GPHN: variants seen among roughly 807,000 people sequenced by gnomAD.
The protein encoded by GPHN is gephyrin.
Under a neutral mutation model 95.5 loss-of-function variants are expected in GPHN, and 17 were observed. That is an observed-to-expected ratio of 0.18 (90% CI 0.12 to 0.27). The LOEUF is 0.27. Among genes scored for constraint, GPHN ranks in the 10% least tolerant of loss-of-function variants. GPHN has a pLI of 1.00. For synonymous variants in GPHN, 320 were observed against 322.5 expected, an observed-to-expected ratio of 0.99 and a Z score of 0.08; for missense variants, 660 against 978.1, an observed-to-expected ratio of 0.67 and a Z score of 4.34.
In GPHN at chr14:66,570,552, T is replaced by C. The variant is rs150548917; in HGVS notation, c.64+61961T>C. 3.7e-3 allele frequency among the ~76,000 whole-genome samples: 555 copies of C among 151,212 alleles called. 12 individuals carry two copies. Among genetic ancestry groups the C allele is most frequent in the African/African-American group, 0.013 (529 of 40,822 alleles). On this transcript the variant is annotated intron_variant, in intron 1 of 22. Transcript: ENST00000478722. The stretch of plus-strand genomic sequence containing the variant: ...AACTCCTGATCTCAGGCGATCCACC[T>C]GCCTCGGCCTCCCAAAGTGCCGAGA...
the GPHN span, chr14:67,340,505 C>T: frequency 6.2e-7 from 1 of 1,603,624 alleles, no homozygotes; most frequent in African/African-American, 1.5e-5. Context: ...TACGTTCAAT[C>T]CGGGGAATGA....
At chr14:66,757,367 T>C (rs2058597891) in intron 2 of GPHN, among the ~76,000 whole-genome samples, 1 of 124,668 alleles carries the variant, frequency 8.0e-6, no homozygotes, top group African/African-American at 3.9e-5. Flanking sequence ...CACACAAATA[T>C]AAATGGGAGA....
At chr14:67,446,844 G>A in the GPHN span, among the ~76,000 whole-genome samples, 1 of 152,172 alleles carries the variant, frequency 6.6e-6, no homozygotes, top group Non-Finnish European at 1.5e-5. Flanking sequence ...ACTACCAGCT[G>A]CAGCCTGCTG....
intron 4 of GPHN, among the ~76,000 whole-genome samples, chr14:66,858,346 C>A (rs2062882978): frequency 6.6e-6 from 1 of 151,872 alleles, no homozygotes; most frequent in South Asian, 2.1e-4. Flanking sequence ...TAGGATAGGA[C>A]ACCAGGCAGA....
At chr14:67,376,420 C>T in the GPHN span, 1 of 1,565,838 alleles carries the variant, frequency 6.4e-7, no homozygotes, top group Non-Finnish European at 8.7e-7. Context: ...AATTGTTGAG[C>T]TTTTCATTTT....
rs571768557 is a variant in GPHN at position 67,033,290 on chromosome 14, G to C, written c.1006+9615G>C. 1.0e-3 allele frequency among the ~76,000 whole-genome samples: 157 copies of C among 152,268 alleles called. 1 individual carries two copies. Among genetic ancestry groups the C allele is most frequent in the African/African-American group, 3.7e-3 (153 of 41,564 alleles). On this transcript the variant is annotated intron_variant, in intron 10 of 22. Coordinates refer to ENST00000478722, the MANE Select transcript of GPHN (RefSeq NM_020806.5). ...GCAAAGAAAGCCAAAGAGGCCAGGA[G>C]TGGTGGTTCACACCTGTAATCCCAA...
At chr14:67,554,843 A>C in the GPHN span, among the ~76,000 whole-genome samples, 1 of 152,290 alleles carries the variant, frequency 6.6e-6, no homozygotes, top group East Asian at 1.9e-4. Context: ...ACTTGGTGTA[A>C]TATCCAGAAT....
At chr14:67,398,946 T>G in the GPHN span, among the ~76,000 whole-genome samples, 1 of 152,262 alleles carries the variant, frequency 6.6e-6, no homozygotes, top group African/African-American at 2.4e-5. Context: ...TGTGGATACA[T>G]AGTTTACTTG....
At chr14:66,531,300 T>C (rs575246381) in intron 1 of GPHN, among the ~76,000 whole-genome samples, 1 of 152,106 alleles carries the variant, frequency 6.6e-6, no homozygotes, top group African/African-American at 2.4e-5. Flanking sequence ...CAGGTGAGTT[T>C]GTGAAGTGTT....
the GPHN span, among the ~76,000 whole-genome samples, chr14:67,541,418 A>G: frequency 6.6e-6 from 1 of 152,222 alleles, no homozygotes; most frequent in African/African-American, 2.4e-5. Context: ...AGTTCCTTGA[A>G]AAACACAAAG....
At chr14:67,657,325 A>G in the GPHN span, 1 of 152,088 alleles carries the variant, frequency 6.6e-6, no homozygotes, top group Non-Finnish European at 1.5e-5. Flanking sequence ...AAAGAACTTC[A>G]CCTAAGGTCA....
intron 1 of GPHN, among the ~76,000 whole-genome samples, chr14:66,613,087 T>C (rs1326761761): frequency 2.0e-5 from 3 of 152,098 alleles, no homozygotes; most frequent in Non-Finnish European, 4.4e-5. Flanking sequence ...CCGTGGACAC[T>C]GAATTATTGA....
chr14:67,208,545 GA>G, the GPHN span: 2 of 1,289,826 alleles, frequency 1.6e-6, no homozygotes, highest in South Asian at 1.5e-5. Context: ...ATCTGCCACT[GA>G]AGATTCTCAG....
chr14:67,574,011 C>A, the GPHN span: 1 of 761,868 alleles, frequency 1.3e-6, no homozygotes, highest in Non-Finnish European at 2.3e-6. This position sits in a 1 kb window ranked among gnomAD's most constrained non-coding sequence, Gnocchi z 4.2. Context: ...AACATTTGGA[C>A]GTGATCCTAA....
the GPHN span, among the ~76,000 whole-genome samples, chr14:67,443,168 C>T: frequency 1.3e-5 from 2 of 152,072 alleles, no homozygotes; most frequent in African/African-American, 4.8e-5. Flanking sequence ...ATACACTGAG[C>T]TATGACTGCG....
chr14:66,775,621 T>C (rs2059353733), intron 2 of GPHN, among the ~76,000 whole-genome samples: 1 of 152,208 alleles, frequency 6.6e-6, no homozygotes, highest in Admixed American at 6.5e-5. Flanking sequence ...ATTCATTTCC[T>C]AGTTCCTTCA....
At chr14:66,908,277 AAAC>A (rs2065483353) in intron 5 of GPHN, among the ~76,000 whole-genome samples, 1 of 152,028 alleles carries the variant, frequency 6.6e-6, no homozygotes, top group African/African-American at 2.4e-5. Flanking sequence ...GCACTCAAGA[AAAC>A]AAACTACAAC....
chr14:66,787,660 C>G (rs2059824306), intron 3 of GPHN, among the ~76,000 whole-genome samples: 1 of 151,722 alleles, frequency 6.6e-6, no homozygotes, highest in Non-Finnish European at 1.5e-5. Context: ...AATAGAGAAC[C>G]TATAATAGGC....
At chr14:67,167,630 A>G (rs988448630) in intron 20 of GPHN, among the ~76,000 whole-genome samples, 2 of 152,208 alleles carry the variant, frequency 1.3e-5, no homozygotes, top group African/African-American at 4.8e-5. Flanking sequence ...TGATGATGCA[A>G]TAAGCAGTGT....
Sources: allele counts gnomAD v4.1 joint callset (sites outside exome capture counted in the v4.1 genomes callset), GRCh38; gene constraint gnomAD v4.1.1; non-coding constraint Gnocchi (gnomAD v3.1); transcripts MANE v1.5; gene names NCBI Gene and HGNC (gene_info 2026-07-23, HGNC 2026-07-21).